TRIM25: variants seen among roughly 807,000 people sequenced by gnomAD.
The protein encoded by TRIM25 is E3 ubiquitin/ISG15 ligase TRIM25.
Under a neutral mutation model 65.2 loss-of-function variants are expected in TRIM25, and 45 were observed. The observed-to-expected ratio is 0.69, with a 90% CI of 0.54 to 0.89. TRIM25 has a LOEUF of 0.89. Ranked by LOEUF, TRIM25 falls within the 40% of genes least tolerant of loss-of-function variation. The probability of loss-of-function intolerance (pLI) is 0.00; values close to 1 mark genes in which losing one functional copy is unlikely to be tolerated. For synonymous variants in TRIM25, 321 were observed against 340.4 expected (o/e 0.94, Z 0.63); for missense variants, 714 against 803.7 (o/e 0.89, Z 1.35).
intron 8 of TRIM25, among the ~76,000 whole-genome samples, chr17:56,893,721 G>A (rs1909230455): frequency 6.6e-6 from 1 of 152,230 alleles, no homozygotes; most frequent in African/African-American, 2.4e-5. Flanking sequence ...CCCACTTCCA[G>A]GTTGGACGAG....
intron 3 of TRIM25, 112 bp from the exon 4 acceptor site, chr17:56,901,690 T>A (rs969979394): frequency 2.9e-6 from 4 of 1,382,604 alleles, no homozygotes; most frequent in Non-Finnish European, 4.0e-6. Flanking sequence ...CTAAGTCCAA[T>A]TGGCCTTCTC....
chr17:56,911,595 T>C (rs1909630781), intron 1 of TRIM25, among the ~76,000 whole-genome samples: 1 of 149,990 alleles, frequency 6.7e-6, no homozygotes, highest in Non-Finnish European at 1.5e-5. Flanking sequence ...AAAAAAAAAT[T>C]CTGATTTTAT....
At chr17:56,893,222 G>A (rs527899931) in intron 8 of TRIM25, among the ~76,000 whole-genome samples, 30 of 150,054 alleles carry the variant, frequency 2.0e-4, no homozygotes, top group Non-Finnish European at 3.5e-4. Context: ...AGCCAAGCGA[G>A]GCACTCATTT....
chr17:56,904,243 G>C lies in TRIM25; in HGVS notation c.927+12C>G. 6.7e-7 allele frequency: 1 copy of C among 1,490,670 alleles called. No homozygotes were observed. The highest frequency in any genetic ancestry group is 9.3e-7 in the Non-Finnish European group (1 of 1,075,036). 92.3% of individuals were successfully genotyped at this position (1,490,670 alleles called of 1,614,324 possible). On this transcript the variant is annotated intron_variant, in intron 3 of 8. Transcript: ENST00000316881. Reference sequence around the variant, plus strand: ...AAAAAAAAACATTCAACAATGCCTTGTGGCGACCTACCTCCAGAAACTCGA... The same window carrying C: ...AAAAAAAAACATTCAACAATGCCTTCTGGCGACCTACCTCCAGAAACTCGA...
At position 56,891,779 on chromosome 17, in the gene TRIM25, AC is replaced by A; in HGVS notation, c.1813del (p.Val605TrpfsTer55). ...CGGGTACAAAGCCTCAGTAAAGTCCACCCTGAACTTATACATCAGGTGGACC... is the reference window on the plus strand; with the variant it reads ...CGGGTACAAAGCCTCAGTAAAGTCCACCTGAACTTATACATCAGGTGGACC... The part of the protein sequence containing the change: ...DKVHLMYKFR[V>X]DFTEALYPAF... On this transcript the variant is annotated frameshift_variant, in exon 9 of 9. Transcript: ENST00000316881. LOFTEE classifies it high-confidence loss of function. 6.2e-7 allele frequency: 1 copy of A among 1,614,178 alleles called. No individual in the cohort carries two copies. The highest frequency in any genetic ancestry group is 8.5e-7 in the Non-Finnish European group (1 of 1,180,032).
At chr17:56,894,415 A>AT (rs1359241412) in intron 8 of TRIM25, among the ~76,000 whole-genome samples, 8 of 151,992 alleles carry the variant, frequency 5.3e-5, no homozygotes, top group Non-Finnish European at 7.4e-5. Flanking sequence ...CGCCCGGCTA[A>AT]TTTTTTGTAT....
intron 3 of TRIM25, among the ~76,000 whole-genome samples, chr17:56,902,538 A>C (rs758794722): frequency 3.9e-5 from 6 of 152,182 alleles, no homozygotes; most frequent in Non-Finnish European, 7.3e-5. Context: ...GATACGACTC[A>C]CTAGGCAAGA....
chr17:56,908,084 A>G (rs114270446), intron 2 of TRIM25, among the ~76,000 whole-genome samples: 12 of 152,326 alleles, frequency 7.9e-5, no homozygotes, highest in African/African-American at 2.9e-4. Context: ...TAAGCCACCA[A>G]GTTTCTGGCA....
At chr17:56,905,892 G>A (rs1432928012) in intron 2 of TRIM25, among the ~76,000 whole-genome samples, 1 of 152,158 alleles carries the variant, frequency 6.6e-6, no homozygotes, top group Non-Finnish European at 1.5e-5. Context: ...GAGCCCAGGA[G>A]TTCAAAGCTG....
chr17:56,893,728 C>T (rs1011372852), intron 8 of TRIM25, among the ~76,000 whole-genome samples: 3 of 152,112 alleles, frequency 2.0e-5, no homozygotes, highest in Non-Finnish European at 4.4e-5. Context: ...CCAGGTTGGA[C>T]GAGCTTGCAA....
chr17:56,907,138 T>C (rs1308279046), intron 2 of TRIM25, among the ~76,000 whole-genome samples: 1 of 152,216 alleles, frequency 6.6e-6, no homozygotes, highest in Non-Finnish European at 1.5e-5. Flanking sequence ...CAATACCTTG[T>C]GGAATAGTAG....
chr17:56,891,550 T>TCCCCCCCCCCCCCCCCCCCCC lies in TRIM25; in HGVS notation c.*149_*150insGGGGGGGGGGGGGGGGGGGGG. 1.7e-6 allele frequency: 1 copy of TCCCCCCCCCCCCCCCCCCCCC among 572,756 alleles called. No homozygotes were observed. Among genetic ancestry groups the TCCCCCCCCCCCCCCCCCCCCC allele is most frequent in the South Asian group, 2.0e-5 (1 of 50,532 alleles). 35.5% of individuals were successfully genotyped at this position (572,756 alleles called of 1,614,324 possible). On this transcript the variant is annotated 3_prime_UTR_variant, in exon 9 of 9. Coordinates refer to ENST00000316881, the MANE Select transcript of TRIM25 (RefSeq NM_005082.5). The stretch of plus-strand genomic sequence containing the variant: ...CACTCTCACCCCTTTCCTGGCTAAA[T>TCCCCCCCCCCCCCCCCCCCCC]CCCACCTCCCACCCTCCCGCCAGCT...
Position 56,891,495 on chromosome 17 carries a change from G to C in TRIM25, c.*205C>G. On this transcript the variant is annotated 3_prime_UTR_variant, in exon 9 of 9. Transcript: ENST00000316881. ...ACCCTGCCCTGATAGGCACCAGGGG[G>C]TGGAAACGCCTCCTCGCCCACAACA... 1 of 654,266 alleles carries C rather than the reference G, an allele frequency of 1.5e-6. No individual in the cohort carries two copies. The highest frequency in any genetic ancestry group is 3.0e-5 in the Admixed American group (1 of 33,318). 40.5% of individuals were successfully genotyped at this position (654,266 alleles called of 1,614,324 possible).
chr17:56,891,682 C>CA lies in TRIM25; in HGVS notation c.*17dup. ...TTGGGACTTCTGCAGGCAGTCAGCC[C>CA]AAGTGCCTACAGCCTGCCTACTTGG... On this transcript the variant is annotated 3_prime_UTR_variant, in exon 9 of 9. Coordinates refer to ENST00000316881, the MANE Select transcript of TRIM25 (RefSeq NM_005082.5). The CA allele has an allele frequency of 6.2e-7, 1 of 1,603,882 alleles. No homozygotes were observed. The highest frequency in any genetic ancestry group is 8.5e-7 in the Non-Finnish European group (1 of 1,173,976).
In TRIM25 at chr17:56,901,399, T is replaced by A. The variant is rs368862699; in HGVS notation, c.1087+20A>T. 1.2e-6 allele frequency: 2 copies of A among 1,611,962 alleles called. No homozygotes were observed. The highest frequency in any genetic ancestry group is 2.7e-5 in the African/African-American group (2 of 74,818). ...TTGCAGGGTTCCACAGGGGGCAGCA[T>A]AGGGGGCTGCTAAGGTCACCTGAAC... On this transcript the variant is annotated intron_variant, in intron 4 of 8. Coordinates refer to ENST00000316881, the MANE Select transcript of TRIM25 (RefSeq NM_005082.5).
intron 4 of TRIM25, among the ~76,000 whole-genome samples, chr17:56,901,043 G>A (rs943709747): frequency 1.3e-5 from 2 of 152,090 alleles, no homozygotes; most frequent in Non-Finnish European, 2.9e-5. Context: ...ATGGGGTGAT[G>A]AAAAGGGGGT....
At position 56,908,725 on chromosome 17, in the gene TRIM25, TTTGAAGCA is replaced by T. The variant is rs1489143826; in HGVS notation, c.598-170_598-163del. The T allele has an allele frequency of 6.0e-6, 4 of 663,596 alleles. No individual in the cohort carries two copies. In the African/African-American group the frequency reaches 7.1e-5, roughly 12 times the overall value. 41.1% of individuals were successfully genotyped at this position (663,596 alleles called of 1,614,324 possible). On this transcript the variant is annotated intron_variant, in intron 1 of 8. Coordinates refer to ENST00000316881, the MANE Select transcript of TRIM25 (RefSeq NM_005082.5). ...CCCGAGTCTTGCCTGCTTGGAGCTTTTTGAAGCATTCTAATACTTACTACTTCCCTTCA... is the reference window on the plus strand; with the variant it reads ...CCCGAGTCTTGCCTGCTTGGAGCTTTTTCTAATACTTACTACTTCCCTTCA...
intron 1 of TRIM25, among the ~76,000 whole-genome samples, chr17:56,909,419 T>G (rs1330658503): frequency 1.3e-5 from 2 of 152,058 alleles, no homozygotes; most frequent in African/African-American, 4.8e-5. Flanking sequence ...GCGCAGTGGC[T>G]CATGCCTGTA....
rs1004030130 is a variant in TRIM25 at position 56,901,553 on chromosome 17, G to T, written c.953C>A (p.Ser318Ter). ...LEKASKLRGI[S>*]TKPVYIPEVE... Reference sequence around the variant, plus strand: ...CTCGGGGATGTAGACTGGCTTTGTTGAGATTCCTCGCAGTTTTGATGCTTT... The same window carrying T: ...CTCGGGGATGTAGACTGGCTTTGTTTAGATTCCTCGCAGTTTTGATGCTTT... The change falls in exon 4 of 9, where the codon TCA (serine) becomes TAA (stop). Residue 318 changes from serine (S) to a stop codon, truncating the protein, a stop_gained. Transcript: ENST00000316881. LOFTEE classifies it high-confidence loss of function. 1 of 1,614,132 alleles carries T rather than the reference G, an allele frequency of 6.2e-7. No homozygotes were observed. The highest frequency in any genetic ancestry group is 2.2e-5 in the East Asian group (1 of 44,874).
Sources: allele counts gnomAD v4.1 joint callset (sites outside exome capture counted in the v4.1 genomes callset), GRCh38; gene constraint gnomAD v4.1.1; transcripts MANE v1.5; gene names NCBI Gene and HGNC (gene_info 2026-07-23, HGNC 2026-07-21).